Variants in RICTOR observed in about 807,000 individuals in gnomAD.
RICTOR encodes RPTOR independent companion of MTOR complex 2, also known as rapamycin-insensitive companion of mTOR.
Under a neutral mutation model 214.9 loss-of-function variants are expected in RICTOR, and 49 were observed. The ratio of observed to expected loss-of-function variants is 0.23; its 90% CI spans 0.18 to 0.29. The LOEUF (loss-of-function observed/expected upper bound fraction) is 0.29, where lower values mean the gene tolerates loss of function less well. Ranked by LOEUF, RICTOR falls within the 10% of genes least tolerant of loss-of-function variation. The probability of loss-of-function intolerance (pLI) is 1.00; values close to 1 mark genes in which losing one functional copy is unlikely to be tolerated. For missense variants in RICTOR, 1,625 were observed against 2,047.0 expected, an observed-to-expected ratio of 0.79 and a Z score of 3.98; for synonymous variants, 717 against 711.3, an observed-to-expected ratio of 1.01 and a Z score of -0.13.
rs1748637782 is a variant in RICTOR at position 38,950,307 on chromosome 5, T to C, written c.3541A>G (p.Asn1181Asp). Residue 1181 changes from asparagine (N) to aspartate (D), a missense_variant, in exon 31 of 38, where the codon AAT becomes GAT. Around this residue, in one of 5 missense-constraint regions of RICTOR, gnomAD observed 1,214 missense variants for 1,470.5 expected, o/e 0.83. Coordinates refer to ENST00000357387, the MANE Select transcript of RICTOR (RefSeq NM_152756.5). Reference sequence around the variant, plus strand: ...AAATTCTTGGTGAATTTTAAGTCATTTTCTCCAATGCTTGGTGTACTACCA... The same window carrying C: ...AAATTCTTGGTGAATTTTAAGTCATCTTCTCCAATGCTTGGTGTACTACCA... The part of the protein sequence containing the change: ...DTGSTPSIGE[N>D]DLKFTKNFGT... The C allele has an allele frequency of 6.2e-7, 1 of 1,613,456 alleles. No homozygotes were observed. Among genetic ancestry groups the C allele is most frequent in the Non-Finnish European group, 8.5e-7 (1 of 1,179,628 alleles).
At chr5:38,953,348 A>G (rs1748958212) in intron 28 of RICTOR, 113 bp downstream of exon 28, 3 of 544,582 alleles carry the variant, frequency 5.5e-6, no homozygotes, top group Non-Finnish European at 9.7e-6. Context: ...CCAGTCTTAA[A>G]TATTAATCTA....
rs1472536405 is a variant in RICTOR at position 38,944,489 on chromosome 5, T to C, written c.4870A>G (p.Ser1624Gly). 1.2e-6 allele frequency: 2 copies of C among 1,612,166 alleles called. No homozygotes were observed. The highest frequency in any genetic ancestry group is 1.3e-5 in the African/African-American group (1 of 74,866). Residue 1624 changes from serine to glycine, a missense_variant, in exon 36 of 38, where the codon AGT becomes GGT. Physicochemically the swap from Ser to Gly is moderately conservative, Grantham distance 56 (BLOSUM62 0). Coordinates refer to ENST00000357387, the MANE Select transcript of RICTOR (RefSeq NM_152756.5). ...KEVLRLVINL[S>G]SSVSTKCHET... Reference sequence around the variant, plus strand: ...TGACATTTAGTTGAAACTGAACTACTCAAATTAATGACTAATCTTAGAACT... The same window carrying C: ...TGACATTTAGTTGAAACTGAACTACCCAAATTAATGACTAATCTTAGAACT...
intron 11 of RICTOR, 71 bp downstream of exon 11, chr5:38,971,806 A>AT (rs1228723371): frequency 1.8e-5 from 13 of 703,918 alleles, no homozygotes; most frequent in South Asian, 8.5e-5. Flanking sequence ...ACCTGAAATA[A>AT]TTTTTTTTTT....
intron 34 of RICTOR, 89 bp downstream of exon 34, chr5:38,945,402 A>T (rs2112812085): frequency 1.2e-6 from 1 of 862,466 alleles, no homozygotes; most frequent in South Asian, 1.7e-5. Context: ...GAAACTCTGA[A>T]TTAGAATACC....
intron 2 of RICTOR, among the ~76,000 whole-genome samples, chr5:39,060,773 C>T (rs981168592): frequency 6.6e-5 from 10 of 152,062 alleles, no homozygotes; most frequent in South Asian, 6.2e-4. Context: ...ACATAGAATA[C>T]TCATTTAGTC....
intron 1 of RICTOR, 43 bp downstream of exon 1, chr5:39,074,286 G>A: frequency 1.3e-6 from 2 of 1,565,024 alleles, no homozygotes; most frequent in Non-Finnish European, 1.7e-6. Context: ...GCCAGGGGTG[G>A]CGGGCGCCGG....
At chr5:39,066,744 T>C (rs565708482) in intron 2 of RICTOR, among the ~76,000 whole-genome samples, 1 of 152,260 alleles carries the variant, frequency 6.6e-6, no homozygotes, top group Admixed American at 6.5e-5. Context: ...ATACCAGAGG[T>C]CATCACTCTC....
At position 38,942,249 on chromosome 5, in the gene RICTOR, A is replaced by C; in HGVS notation, c.*55T>G. On this transcript the variant is annotated 3_prime_UTR_variant, in exon 38 of 38. Coordinates refer to ENST00000357387, the MANE Select transcript of RICTOR (RefSeq NM_152756.5). Reference sequence around the variant, plus strand: ...GTCGTATTTTCTGAGGCTTTTAGGAAATCCACAAATATGAATATATATAGT... The same window carrying C: ...GTCGTATTTTCTGAGGCTTTTAGGACATCCACAAATATGAATATATATAGT... 1 of 1,095,572 alleles carries C rather than the reference A, an allele frequency of 9.1e-7. No individual in the cohort carries two copies. 67.9% of individuals were successfully genotyped at this position (1,095,572 alleles called of 1,614,324 possible).
intron 24 of RICTOR, 105 bp downstream of exon 24, chr5:38,958,338 G>C: frequency 1.4e-6 from 1 of 711,320 alleles, no homozygotes; most frequent in South Asian, 1.8e-5. Context: ...ATATTAAAAG[G>C]TAAACTCTTC....
chr5:39,050,542 T>G (rs1399449516), intron 2 of RICTOR, among the ~76,000 whole-genome samples: 1 of 152,024 alleles, frequency 6.6e-6, no homozygotes. Context: ...TCACCACGTT[T>G]CCCAGGCTGG....
At chr5:39,068,230 G>A (rs1344727319) in intron 2 of RICTOR, among the ~76,000 whole-genome samples, 1 of 152,156 alleles carries the variant, frequency 6.6e-6, no homozygotes, top group Non-Finnish European at 1.5e-5. Flanking sequence ...GCAAGGTCAA[G>A]CGAATATTAA....
rs2112847453 is a variant in RICTOR, at chr5:38,949,877, G to C, written c.3971C>G (p.Ser1324Cys). The change falls in exon 31 of 38, where the codon TCT (serine) becomes TGT (cysteine). Residue 1324 changes from serine (S) to cysteine (C), a missense_variant. Transcript: ENST00000357387. ...LADCNFSYTS[S>C]RDAFGYATLK... The stretch of plus-strand genomic sequence containing the variant: ...TGTAGCATAGCCAAAAGCATCTCTA[G>C]AACTTGTGTAACTAAAGTTACAATC... 1 of 1,613,414 alleles carries C rather than the reference G, an allele frequency of 6.2e-7. No individual in the cohort carries two copies. The highest frequency in any genetic ancestry group is 2.2e-5 in the East Asian group (1 of 44,864).
chr5:39,058,265 G>C (rs905095863), intron 2 of RICTOR, among the ~76,000 whole-genome samples: 1 of 151,800 alleles, frequency 6.6e-6, no homozygotes, highest in Non-Finnish European at 1.5e-5. Context: ...TACAACAAAA[G>C]AAAAATGTAA....
intron 2 of RICTOR, among the ~76,000 whole-genome samples, chr5:39,048,287 T>C (rs1757630615): frequency 1.3e-5 from 2 of 152,226 alleles, no homozygotes. Context: ...TAACTGCTTA[T>C]CTTTAAAAAG....
At chr5:38,996,709 A>C in intron 6 of RICTOR, 110 bp downstream of exon 6, 1 of 609,860 alleles carries the variant, frequency 1.6e-6, no homozygotes, top group Non-Finnish European at 2.9e-6. Flanking sequence ...ATGTTTAATA[A>C]AAGTTTAGTC....
intron 2 of RICTOR, among the ~76,000 whole-genome samples, chr5:39,027,719 C>T (rs1260609883): frequency 4.6e-5 from 7 of 151,994 alleles, no homozygotes; most frequent in African/African-American, 1.7e-4. Context: ...ACTTCCATCC[C>T]GCAGAAGCAT....
intron 6 of RICTOR, among the ~76,000 whole-genome samples, chr5:38,993,856 A>G (rs977206771): frequency 1.1e-4 from 16 of 152,088 alleles, no homozygotes; most frequent in African/African-American, 3.4e-4. Flanking sequence ...AATATACATA[A>G]ACTTTGTTTC....
At chr5:38,990,663 T>A (rs1752597050) in intron 7 of RICTOR, among the ~76,000 whole-genome samples, 1 of 140,220 alleles carries the variant, frequency 7.1e-6, no homozygotes. Context: ...ATGATATATA[T>A]CAGATATATA....
intron 3 of RICTOR, among the ~76,000 whole-genome samples, chr5:39,019,572 C>A (rs1398130851): frequency 1.3e-5 from 2 of 152,104 alleles, no homozygotes; most frequent in African/African-American, 4.8e-5. Context: ...ATATTTTAAA[C>A]ATACTGTTGA....
Sources: allele counts gnomAD v4.1 joint callset (sites outside exome capture counted in the v4.1 genomes callset), GRCh38; gene constraint gnomAD v4.1.1; regional missense constraint gnomAD v4.1.1; transcripts MANE v1.5; gene names NCBI Gene and HGNC (gene_info 2026-07-23, HGNC 2026-07-21).